Variants in LRRC20 observed in about 807,000 individuals in gnomAD.
The protein encoded by LRRC20 is leucine-rich repeat-containing protein 20.
In LRRC20, 11 loss-of-function variants were observed where a neutral mutation model predicts 14.4. That is an observed-to-expected ratio of 0.77 (90% confidence interval 0.48 to 1.27). LRRC20 has a LOEUF of 1.27. Ranked by LOEUF, LRRC20 falls within the 50% of genes most tolerant of loss-of-function variation. The pLI is 0.00. For missense variants in LRRC20, 219 were observed against 251.2 expected (o/e 0.87, Z 0.87); for synonymous variants, 121 against 107.3 (o/e 1.13, Z -0.79).
At chr10:70,378,013 G>C (rs760525119) in intron 1 of LRRC20, among the ~76,000 whole-genome samples, 19 of 146,398 alleles carry the variant, frequency 1.3e-4, no homozygotes, top group Non-Finnish European at 1.8e-4. Flanking sequence ...AGGAGATCTA[G>C]TAATACCCAA....
intron 2 of LRRC20, among the ~76,000 whole-genome samples, chr10:70,366,826 T>C (rs1220908189): frequency 1.3e-5 from 2 of 152,232 alleles, no homozygotes; most frequent in Non-Finnish European, 2.9e-5. Flanking sequence ...CATTGTATTA[T>C]GTACTATAAG....
intron 1 of LRRC20, among the ~76,000 whole-genome samples, chr10:70,378,723 G>GATTGTGTC (rs1844599043): frequency 6.9e-6 from 1 of 145,266 alleles, no homozygotes; most frequent in Non-Finnish European, 1.5e-5. Context: ...AGTGAGCCGA[G>GATTGTGTC]ATTGTGTCAT....
In LRRC20 at chr10:70,376,558, G is replaced by T; in HGVS notation, c.-25C>A. ...TGCAGACACAGGTGTCCTGCCGCCA[G>T]CCCCCAGGCTGGTCTGCTTCTCACA... On this transcript the variant is annotated 5_prime_UTR_variant, in exon 2 of 5. The change creates a new upstream start codon in the 5' untranslated region. Coordinates refer to ENST00000446961, the MANE Select transcript of LRRC20 (RefSeq NM_001278212.2). The T allele has an allele frequency of 1.9e-6, 3 of 1,609,538 alleles. No homozygotes were observed. The highest frequency in any genetic ancestry group is 1.7e-6 in the Non-Finnish European group (2 of 1,178,162).
chr10:70,324,716 C>T (rs969983984), intron 3 of LRRC20, among the ~76,000 whole-genome samples: 9 of 152,040 alleles, frequency 5.9e-5, no homozygotes, highest in African/African-American at 2.2e-4. Flanking sequence ...TGAGAGAAGC[C>T]GGGCGCCCAC....
intron 2 of LRRC20, among the ~76,000 whole-genome samples, chr10:70,351,555 C>A (rs1843312359): frequency 6.6e-6 from 1 of 152,186 alleles, no homozygotes; most frequent in South Asian, 2.1e-4. Flanking sequence ...CAATCCTTCA[C>A]ATAAATGATG....
chr10:70,319,601 C>T (rs918408642), intron 4 of LRRC20, among the ~76,000 whole-genome samples: 21 of 152,314 alleles, frequency 1.4e-4, no homozygotes, highest in Non-Finnish European at 2.4e-4. Context: ...GCTATCTAGC[C>T]ATCTAGTGTT....
At chr10:70,334,227 C>T (rs1842638354) in intron 3 of LRRC20, among the ~76,000 whole-genome samples, 1 of 152,132 alleles carries the variant, frequency 6.6e-6, no homozygotes, top group African/African-American at 2.4e-5. Flanking sequence ...CTAAGCATCC[C>T]ATTGACCGCA....
intron 2 of LRRC20, among the ~76,000 whole-genome samples, chr10:70,374,412 G>A (rs1340689546): frequency 1.3e-5 from 2 of 149,922 alleles, no homozygotes; most frequent in East Asian, 2.0e-4. Flanking sequence ...GTGCAGTGGC[G>A]AGATCTTGAC....
chr10:70,331,803 T>C (rs1177101025), intron 3 of LRRC20, among the ~76,000 whole-genome samples: 3 of 152,320 alleles, frequency 2.0e-5, no homozygotes, highest in Non-Finnish European at 2.9e-5. Flanking sequence ...CATTTCCTTA[T>C]TGATTAAACC....
In LRRC20 at chr10:70,301,086, G is replaced by GAGAGGGC. The variant is rs1318981555; in HGVS notation, c.*261_*267dup. 7.9e-7 allele frequency: 1 copy of GAGAGGGC among 1,262,900 alleles called. No homozygotes were observed. The highest frequency in any genetic ancestry group is 1.5e-5 in the African/African-American group (1 of 65,304). The allele number at this position is 1,262,900 out of a possible 1,614,324, so 78.2% of individuals were successfully genotyped here. The stretch of plus-strand genomic sequence containing the variant: ...TGTTTTTTTCAAGTGACAAGGCTCA[G>GAGAGGGC]AGAGGGCAGGAGATCTGCCTGAGTT... On this transcript the variant is annotated 3_prime_UTR_variant, in exon 5 of 5. Transcript: ENST00000446961.
Position 70,299,957 on chromosome 10 carries a change from C to A in LRRC20, c.*1397G>T, listed in dbSNP as rs1446138911. The A allele has an allele frequency of 6.6e-6, 1 of 152,264 alleles. No homozygotes were observed. Among genetic ancestry groups the A allele is most frequent in the Non-Finnish European group, 1.5e-5 (1 of 68,082 alleles). The allele number at this position is 152,264 out of a possible 1,614,324, so 9.4% of individuals were successfully genotyped here. A position where few individuals can be genotyped will look rare whatever the true frequency, so the allele number is the denominator to read the frequency against. ...CTGGGAGCATTCTGAGCAGGGATTACTGCTCTGAGCAGTGGTCTGAGCTCT... is the reference window on the plus strand; with the variant it reads ...CTGGGAGCATTCTGAGCAGGGATTAATGCTCTGAGCAGTGGTCTGAGCTCT... On this transcript the variant is annotated 3_prime_UTR_variant, in exon 5 of 5. Transcript: ENST00000446961.
intron 4 of LRRC20, among the ~76,000 whole-genome samples, chr10:70,307,505 C>T (rs1038669179): frequency 2.0e-5 from 3 of 152,250 alleles, no homozygotes; most frequent in South Asian, 2.1e-4. Context: ...AGAGAAAGAG[C>T]TTCCTGGAGA....
chr10:70,371,555 C>T (rs950960731), intron 2 of LRRC20, among the ~76,000 whole-genome samples: 3 of 151,860 alleles, frequency 2.0e-5, no homozygotes, highest in African/African-American at 7.3e-5. Context: ...GGAAGCCTGG[C>T]CCCACAACCA....
chr10:70,355,881 G>T (rs563538179), intron 2 of LRRC20, among the ~76,000 whole-genome samples: 11 of 60,128 alleles, frequency 1.8e-4, no homozygotes, highest in African/African-American at 6.8e-4. Flanking sequence ...GGGCTGTGTG[G>T]ACACCCCTCT....
At chr10:70,361,650 C>T (rs1236493182) in intron 2 of LRRC20, among the ~76,000 whole-genome samples, 1 of 152,220 alleles carries the variant, frequency 6.6e-6, no homozygotes, top group African/African-American at 2.4e-5. Flanking sequence ...AGGTGGAAAT[C>T]ACAGCAAGTG....
chr10:70,372,269 A>G (rs891677671), intron 2 of LRRC20, among the ~76,000 whole-genome samples: 17 of 152,158 alleles, frequency 1.1e-4, no homozygotes, highest in Admixed American at 2.6e-4. Flanking sequence ...GAACATTTAG[A>G]AAATGCAAAA....
At chr10:70,381,102 A>T (rs1411520149) in intron 1 of LRRC20, among the ~76,000 whole-genome samples, 3 of 152,226 alleles carry the variant, frequency 2.0e-5, no homozygotes, top group African/African-American at 4.8e-5. Context: ...GCGAACTAAG[A>T]GAAGTTTTTT....
intron 2 of LRRC20, among the ~76,000 whole-genome samples, chr10:70,369,729 AT>A (rs1193099013): frequency 1.3e-5 from 2 of 151,304 alleles, no homozygotes; most frequent in African/African-American, 4.9e-5. Flanking sequence ...TAGGGTTGTC[AT>A]GGGGAATTAA....
At chr10:70,372,445 G>GTT (rs35874508) in intron 2 of LRRC20, among the ~76,000 whole-genome samples, 6,286 of 133,160 alleles carry the variant, frequency 0.047, 317 homozygotes, top group African/African-American at 0.11. Context: ...CCTTCTTTTC[G>GTT]TTTTTTTTTT....
Sources: allele counts gnomAD v4.1 joint callset (sites outside exome capture counted in the v4.1 genomes callset), GRCh38; gene constraint gnomAD v4.1.1; transcripts MANE v1.5; gene names NCBI Gene and HGNC (gene_info 2026-07-23, HGNC 2026-07-21).